TOPBP1: variants seen among roughly 807,000 people sequenced by gnomAD.
The protein encoded by TOPBP1 is DNA topoisomerase II binding protein 1, also known as DNA topoisomerase 2-binding protein 1.
TOPBP1 carries 28 observed loss-of-function variants against 167.7 expected under a neutral mutation model. The observed-to-expected ratio is 0.17, with a 90% CI of 0.12 to 0.23. TOPBP1 has a LOEUF of 0.23. TOPBP1 is among the 10% of genes least tolerant of loss of function. The pLI is 1.00. For missense variants in TOPBP1, 1,554 were observed against 1,809.6 expected (o/e 0.86, Z 2.56); for synonymous variants, 598 against 611.4 (o/e 0.98, Z 0.32).
chr3:133,637,507 T>C (rs1292952921), intron 14 of TOPBP1, among the ~76,000 whole-genome samples: 1 of 152,238 alleles, frequency 6.6e-6, no homozygotes. Flanking sequence ...TTACATTTTA[T>C]AGTTTATAAA....
At chr3:133,610,120 A>G (rs1934624614) in intron 25 of TOPBP1, among the ~76,000 whole-genome samples, 1 of 152,322 alleles carries the variant, frequency 6.6e-6, no homozygotes, top group Non-Finnish European at 1.5e-5. Flanking sequence ...AACCTCAGAT[A>G]TGTGGTCTTC....
intron 27 of TOPBP1, among the ~76,000 whole-genome samples, chr3:133,606,638 C>T (rs1224386369): frequency 6.6e-6 from 1 of 151,524 alleles, no homozygotes; most frequent in Non-Finnish European, 1.5e-5. Flanking sequence ...AGTTGCTGTA[C>T]AGCTACAGTA....
intron 25 of TOPBP1, 118 bp downstream of exon 25, chr3:133,610,886 G>T (rs1934651294): frequency 8.8e-7 from 1 of 1,136,840 alleles, no homozygotes; most frequent in Non-Finnish European, 1.2e-6. Flanking sequence ...TCAAAAATTT[G>T]GGGAAAAAAG....
intron 16 of TOPBP1, 26 bp downstream of exon 16, chr3:133,628,336 A>G: frequency 1.9e-6 from 3 of 1,564,948 alleles, no homozygotes; most frequent in Middle Eastern, 3.4e-4. Context: ...TCATATCACC[A>G]TGAAACAGAA....
intron 25 of TOPBP1, among the ~76,000 whole-genome samples, chr3:133,609,569 T>C (rs1934605066): frequency 6.6e-6 from 1 of 152,174 alleles, no homozygotes. Context: ...AGGGACCTCG[T>C]GGGAGGTGAT....
At chr3:133,639,463 G>A (rs955657317) in intron 13 of TOPBP1, among the ~76,000 whole-genome samples, 3 of 152,108 alleles carry the variant, frequency 2.0e-5, no homozygotes, top group Non-Finnish European at 2.9e-5. Flanking sequence ...TGGGGGGATG[G>A]GGGAGGGATA....
intron 2 of TOPBP1, 80 bp downstream of exon 2, chr3:133,660,964 A>G: frequency 1.0e-6 from 1 of 1,002,248 alleles, no homozygotes; most frequent in Non-Finnish European, 1.4e-6. Flanking sequence ...ATCTACTTCT[A>G]AGACATAAAG....
intron 27 of TOPBP1, among the ~76,000 whole-genome samples, chr3:133,602,544 A>T (rs926568906): frequency 5.9e-5 from 9 of 152,222 alleles, no homozygotes; most frequent in Non-Finnish European, 1.2e-4. Context: ...AGCAAAACCT[A>T]TTTAAAGTAA....
At chr3:133,606,815 A>C (rs779782914) in intron 27 of TOPBP1, among the ~76,000 whole-genome samples, 13 of 152,166 alleles carry the variant, frequency 8.5e-5, no homozygotes, top group Admixed American at 2.6e-4. Context: ...ATGGAAAAAA[A>C]CCAGCCCTAG....
rs1559817830 is a variant in TOPBP1 at position 133,628,870 on chromosome 3, T to C, written c.2521-137A>G. On this transcript the variant is annotated intron_variant, in intron 14 of 27. Coordinates refer to ENST00000260810, the MANE Select transcript of TOPBP1 (RefSeq NM_007027.4). ...GAAGGGGGAGAATCCTCAAAATTAATGGATTACAGTTTAACTTCCTCTAGT... is the reference window on the plus strand; with the variant it reads ...GAAGGGGGAGAATCCTCAAAATTAACGGATTACAGTTTAACTTCCTCTAGT... 9 of 819,292 alleles carry C rather than the reference T, an allele frequency of 1.1e-5. No homozygotes were observed. In the East Asian group the frequency reaches 2.4e-4, roughly 22 times the overall value. The allele number at this position is 819,292 out of a possible 1,614,324, so 50.8% of individuals were successfully genotyped here.
intron 14 of TOPBP1, among the ~76,000 whole-genome samples, chr3:133,629,856 G>A (rs776144378): frequency 7.9e-5 from 12 of 151,728 alleles, no homozygotes; most frequent in Non-Finnish European, 1.6e-4. Context: ...GCGCGATCTC[G>A]GCTCACTGCA....
chr3:133,608,405 G>A, intron 27 of TOPBP1, 130 bp downstream of exon 27: 1 of 984,156 alleles, frequency 1.0e-6, no homozygotes, highest in Non-Finnish European at 1.5e-6. Flanking sequence ...GAAAGGGCTG[G>A]AATAGAAGAG....
chr3:133,633,689 G>A (rs889025576), intron 14 of TOPBP1, among the ~76,000 whole-genome samples: 1 of 152,174 alleles, frequency 6.6e-6, no homozygotes, highest in Non-Finnish European at 1.5e-5. Flanking sequence ...TTGCTTTGAA[G>A]GCAGAGGTGG....
At chr3:133,645,040 C>T (rs1338767934) in intron 10 of TOPBP1, among the ~76,000 whole-genome samples, 1 of 152,160 alleles carries the variant, frequency 6.6e-6, no homozygotes, top group Non-Finnish European at 1.5e-5. Context: ...TGCCTAAGGT[C>T]ACACAGTTAA....
chr3:133,648,808 A>C (rs1351396268), intron 10 of TOPBP1, among the ~76,000 whole-genome samples: 1 of 152,204 alleles, frequency 6.6e-6, no homozygotes, highest in Admixed American at 6.5e-5. Flanking sequence ...CAAAAAAAAA[A>C]AAAGTTTTCT....
rs184835645 is a variant in TOPBP1 at position 133,642,394 on chromosome 3, T to C, written c.2021+806A>G. Among the ~76,000 whole-genome samples the C allele has an allele frequency of 3.3e-5, 5 of 152,326 alleles. No individual in the cohort carries two copies. In the East Asian group the frequency reaches 9.6e-4, roughly 29 times the overall value. ...TTGCTTTTTCAAGTCTTTTAGCTTA[T>C]AGGTTCCTACCTTCTTTTCCATGCC... On this transcript the variant is annotated intron_variant, in intron 12 of 27. Coordinates refer to ENST00000260810, the MANE Select transcript of TOPBP1 (RefSeq NM_007027.4).
rs142320311 is a variant in TOPBP1, at chr3:133,601,887, A to T, written c.4426-494T>A. ...AGACTGGGCAACCTGAAAATGAATCACCACAAAATACCAAGTAAGTGCCTT... is the reference window on the plus strand; with the variant it reads ...AGACTGGGCAACCTGAAAATGAATCTCCACAAAATACCAAGTAAGTGCCTT... On this transcript the variant is annotated intron_variant, in intron 27 of 27. Coordinates refer to ENST00000260810, the MANE Select transcript of TOPBP1 (RefSeq NM_007027.4). 6.8e-4 allele frequency among the ~76,000 whole-genome samples: 103 copies of T among 152,302 alleles called. 1 individual carries two copies. The East Asian group carries it at 0.018, about 27-fold the overall frequency.
At chr3:133,655,691 A>T (rs1936457470) in intron 5 of TOPBP1, among the ~76,000 whole-genome samples, 1 of 152,220 alleles carries the variant, frequency 6.6e-6, no homozygotes, top group Non-Finnish European at 1.5e-5. Context: ...TTTCAGATAC[A>T]GTCTCTCAAA....
At chr3:133,617,398 C>G (rs138853375) in intron 21 of TOPBP1, 72 bp from the exon 22 acceptor site, 2 of 1,427,048 alleles carry the variant, frequency 1.4e-6, no homozygotes, top group Non-Finnish European at 1.8e-6. Context: ...GAAATATTCT[C>G]ATCTGTCTTA....
Sources: gnomAD v4.1 joint callset for allele counts (sites outside exome capture counted in the v4.1 genomes callset) on GRCh38, gnomAD v4.1.1 for gene constraint, MANE v1.5 for transcripts, NCBI Gene and HGNC (gene_info 2026-07-23, HGNC 2026-07-21) for gene names.